MSI2: variants seen among roughly 807,000 people sequenced by gnomAD.
The protein encoded by MSI2 is RNA-binding protein Musashi homolog 2.
Under a neutral mutation model 45.6 loss-of-function variants are expected in MSI2, and 17 were observed. That is an observed-to-expected ratio of 0.37 (90% CI 0.26 to 0.56). MSI2 has a LOEUF of 0.56. MSI2 is among the 20% of genes least tolerant of loss of function. MSI2 has a pLI of 0.77. For synonymous variants in MSI2, 156 were observed against 158.2 expected (o/e 0.99, Z 0.11); for missense variants, 293 against 444.2 (o/e 0.66, Z 3.06).
At chr17:57,476,799 A>G (rs2085545826) in intron 6 of MSI2, among the ~76,000 whole-genome samples, 2 of 152,198 alleles carry the variant, frequency 1.3e-5, no homozygotes, top group African/African-American at 2.4e-5. Flanking sequence ...AGATTCACAG[A>G]GGCTCCGTCA....
At chr17:57,367,303 A>G (rs1309755183) in intron 5 of MSI2, among the ~76,000 whole-genome samples, 1 of 152,056 alleles carries the variant, frequency 6.6e-6, no homozygotes, top group Non-Finnish European at 1.5e-5. Flanking sequence ...TTTTCCTTCA[A>G]ATTTTAAGTT....
At chr17:57,281,381 T>C (rs906215097) in intron 5 of MSI2, among the ~76,000 whole-genome samples, 3 of 152,196 alleles carry the variant, frequency 2.0e-5, no homozygotes, top group South Asian at 4.1e-4. Context: ...CTCTGGTGGA[T>C]TGATAATCAT....
At chr17:57,690,071 G>A in the MSI2 span, among the ~76,000 whole-genome samples, 1 of 151,298 alleles carries the variant, frequency 6.6e-6, no homozygotes, top group Non-Finnish European at 1.5e-5. Context: ...CAAAGTGACT[G>A]CAATATTTTG....
chr17:57,650,270 G>A (rs1358424070), intron 10 of MSI2, among the ~76,000 whole-genome samples: 3 of 151,422 alleles, frequency 2.0e-5, no homozygotes, highest in Non-Finnish European at 4.4e-5. Flanking sequence ...TGTTTTCAGC[G>A]CATGGTAAGG....
chr17:57,486,278 A>C (rs1567852550), intron 6 of MSI2, among the ~76,000 whole-genome samples: 2 of 152,246 alleles, frequency 1.3e-5, no homozygotes, highest in Admixed American at 1.3e-4. Flanking sequence ...AAATGAATTT[A>C]CAAGGGGCTC....
chr17:57,406,197 C>CA (rs2084078192), intron 6 of MSI2, among the ~76,000 whole-genome samples: 1 of 152,042 alleles, frequency 6.6e-6, no homozygotes, highest in Non-Finnish European at 1.5e-5. Context: ...TAGGCCATTC[C>CA]AAAAAATGGC....
At chr17:57,554,107 G>A (rs1445983991) in intron 7 of MSI2, among the ~76,000 whole-genome samples, 1 of 152,030 alleles carries the variant, frequency 6.6e-6, no homozygotes. Flanking sequence ...ATGGGATCCG[G>A]GTGCTAATAA....
At chr17:57,388,933 C>T (rs985618946) in intron 5 of MSI2, among the ~76,000 whole-genome samples, 5 of 150,836 alleles carry the variant, frequency 3.3e-5, no homozygotes, top group East Asian at 2.0e-4. Context: ...AGATGACAGG[C>T]GTGAGCTACA....
At chr17:57,479,292 C>T (rs987748253) in intron 6 of MSI2, among the ~76,000 whole-genome samples, 2 of 152,118 alleles carry the variant, frequency 1.3e-5, no homozygotes, top group African/African-American at 2.4e-5. Context: ...GCCCCTTTTG[C>T]CTTGCGTACT....
At chr17:57,289,818 C>T (rs934228466) in intron 5 of MSI2, among the ~76,000 whole-genome samples, 1 of 152,322 alleles carries the variant, frequency 6.6e-6, no homozygotes, top group Non-Finnish European at 1.5e-5. Flanking sequence ...GCACCCTGCT[C>T]TTGTGAGAAG....
chr17:57,330,112 C>T (rs1477756951), intron 5 of MSI2, among the ~76,000 whole-genome samples: 1 of 151,962 alleles, frequency 6.6e-6, no homozygotes, highest in Non-Finnish European at 1.5e-5. Flanking sequence ...AGTCAGCAAA[C>T]TGGACAAGAG....
chr17:57,272,203 G>C (rs984234667), intron 5 of MSI2, among the ~76,000 whole-genome samples: 6 of 152,208 alleles, frequency 3.9e-5, no homozygotes, highest in Admixed American at 6.5e-5. Context: ...AACAAACCCT[G>C]TTTGGTTTAC....
intron 6 of MSI2, among the ~76,000 whole-genome samples, chr17:57,474,671 G>A (rs1281398318): frequency 6.6e-6 from 1 of 151,578 alleles, no homozygotes; most frequent in Non-Finnish European, 1.5e-5. Context: ...ACTCTTTGTG[G>A]GAATATGACT....
intron 5 of MSI2, among the ~76,000 whole-genome samples, chr17:57,397,555 C>T (rs1331108132): frequency 1.3e-5 from 2 of 152,222 alleles, no homozygotes; most frequent in Non-Finnish European, 2.9e-5. Context: ...TCCTGCCCTC[C>T]TCAGTAGCCA....
intron 7 of MSI2, among the ~76,000 whole-genome samples, chr17:57,562,470 G>A (rs539540704): frequency 2.0e-5 from 3 of 152,320 alleles, no homozygotes; most frequent in South Asian, 2.1e-4. Flanking sequence ...TCTCCTAGGC[G>A]ACTGGAAGTG....
chr17:57,278,098 T>A (rs1471977257), intron 5 of MSI2: 1 of 152,322 alleles, frequency 6.6e-6, no homozygotes, highest in Admixed American at 6.6e-5. Flanking sequence ...CTCAGGAGGT[T>A]GAAGTGGGAG....
intron 7 of MSI2, among the ~76,000 whole-genome samples, chr17:57,555,781 G>T (rs2087421285): frequency 6.6e-6 from 1 of 152,110 alleles, no homozygotes; most frequent in African/African-American, 2.4e-5. Flanking sequence ...TCCTCACCAG[G>T]TTGCTATGGC....
intron 7 of MSI2, among the ~76,000 whole-genome samples, chr17:57,536,055 T>A (rs138752440): frequency 2.6e-5 from 4 of 151,574 alleles, no homozygotes; most frequent in African/African-American, 9.7e-5. Context: ...TGCCTAAGAA[T>A]TGCACTGTCA....
chr17:57,393,917 G>T (rs891022233), intron 5 of MSI2, among the ~76,000 whole-genome samples: 1 of 152,074 alleles, frequency 6.6e-6, no homozygotes, highest in Non-Finnish European at 1.5e-5. Flanking sequence ...ACTGACCTCA[G>T]GTGATCCACC....
Sources: allele counts gnomAD v4.1 joint callset (sites outside exome capture counted in the v4.1 genomes callset), GRCh38; gene constraint gnomAD v4.1.1; transcripts MANE v1.5; gene names NCBI Gene and HGNC (gene_info 2026-07-23, HGNC 2026-07-21).